C8orf34: variants seen among roughly 807,000 people sequenced by gnomAD.
The protein encoded by C8orf34 is chromosome 8 open reading frame 34, also known as uncharacterized protein C8orf34.
A neutral mutation model predicts 68.3 loss-of-function variants in C8orf34; 65 were observed. The ratio of observed to expected loss-of-function variants is 0.95; its 90% CI spans 0.78 to 1.17. The LOEUF is 1.17. C8orf34 is among the 50% of genes most tolerant of loss of function. C8orf34 has a pLI of 0.00. For synonymous variants in C8orf34, 244 were observed against 241.2 expected (o/e 1.01, Z -0.11); for missense variants, 664 against 655.4 (o/e 1.01, Z -0.14).
intron 1 of C8orf34, among the ~76,000 whole-genome samples, chr8:68,344,277 C>T (rs1263966727): frequency 6.6e-6 from 1 of 151,920 alleles, no homozygotes; most frequent in East Asian, 1.9e-4. Context: ...GGTGAATTTC[C>T]AGAGAAATAT....
intron 11 of C8orf34, among the ~76,000 whole-genome samples, chr8:68,785,116 A>G (rs1010543319): frequency 4.6e-5 from 7 of 152,052 alleles, no homozygotes; most frequent in African/African-American, 1.7e-4. Context: ...AGGCTGAGGC[A>G]GGAGGATCAC....
intron 1 of C8orf34, among the ~76,000 whole-genome samples, chr8:68,368,064 A>T (rs1221184387): frequency 6.6e-6 from 1 of 152,064 alleles, no homozygotes; most frequent in African/African-American, 2.4e-5. Flanking sequence ...ATTTTAAAGT[A>T]TTTAAAAGTG....
At chr8:68,778,234 T>C (rs1823576897) in intron 11 of C8orf34, among the ~76,000 whole-genome samples, 1 of 152,194 alleles carries the variant, frequency 6.6e-6, no homozygotes, top group African/African-American at 2.4e-5. Flanking sequence ...TTTTCTTTTT[T>C]CTTCATGTTA....
intron 10 of C8orf34, among the ~76,000 whole-genome samples, chr8:68,770,402 A>G (rs1398737478): frequency 6.6e-6 from 1 of 152,264 alleles, no homozygotes; most frequent in Non-Finnish European, 1.5e-5. Flanking sequence ...AACAAATATT[A>G]GGGAACATAC....
intron 10 of C8orf34, among the ~76,000 whole-genome samples, chr8:68,771,287 C>A (rs1444681294): frequency 1.3e-5 from 2 of 152,060 alleles, no homozygotes; most frequent in Non-Finnish European, 2.9e-5. Flanking sequence ...GTAGTTGCTG[C>A]CTATAGAGGT....
At chr8:68,446,552 T>C in intron 3 of C8orf34, 92 bp downstream of exon 3, 1 of 1,338,952 alleles carries the variant, frequency 7.5e-7, no homozygotes, top group South Asian at 1.4e-5. Context: ...AGCCCAACTT[T>C]TCATCTGATA....
chr8:68,440,547 G>A (rs745412677), intron 2 of C8orf34, among the ~76,000 whole-genome samples: 8 of 152,228 alleles, frequency 5.3e-5, no homozygotes, highest in South Asian at 4.2e-4. Flanking sequence ...AGTTATTTGC[G>A]TCATATAGGA....
intron 1 of C8orf34, among the ~76,000 whole-genome samples, chr8:68,395,241 T>C (rs1307566283): frequency 7.4e-5 from 11 of 147,742 alleles, no homozygotes; most frequent in Admixed American, 2.0e-4. Flanking sequence ...AGAACAAGGG[T>C]TTTTTTTTTC....
rs530991269 is a variant in C8orf34, at chr8:68,530,632, C to G, written c.939-2351C>G. On this transcript the variant is annotated intron_variant, in intron 6 of 13. Coordinates refer to ENST00000518698, the MANE Select transcript of C8orf34 (RefSeq NM_052958.4). ...AATGCAATGATGCAGAGGACAGATGCCATGGCAAGAGACTGAAGCTAAATA... is the reference window on the plus strand; with the variant it reads ...AATGCAATGATGCAGAGGACAGATGGCATGGCAAGAGACTGAAGCTAAATA... The G allele has an allele frequency of 1.1e-5, 14 of 1,225,436 alleles. No individual in the cohort carries two copies. In the East Asian group the frequency reaches 8.2e-4, roughly 72 times the overall value. The allele number at this position is 1,225,436 out of a possible 1,614,324, so 75.9% of individuals were successfully genotyped here.
At position 68,544,800 on chromosome 8, in the gene C8orf34, GAA is replaced by G. The variant is rs1020367135; in HGVS notation, c.1105+11658_1105+11659del. On this transcript the variant is annotated intron_variant, in intron 7 of 13. Coordinates refer to ENST00000518698, the MANE Select transcript of C8orf34 (RefSeq NM_052958.4). ...GATTGATAGCTTATCAAATAATTCGGAAAAAAAATCAGCAAATTTGAAGATAC... is the reference window on the plus strand; with the variant it reads ...GATTGATAGCTTATCAAATAATTCGGAAAAAATCAGCAAATTTGAAGATAC... 2.6e-5 allele frequency among the ~76,000 whole-genome samples: 4 copies of G among 151,032 alleles called. No individual in the cohort carries two copies. In the East Asian group the frequency reaches 7.7e-4, roughly 29 times the overall value.
chr8:68,392,814 T>G (rs1517125), intron 1 of C8orf34, among the ~76,000 whole-genome samples: 5,112 of 152,224 alleles, frequency 0.034, 111 homozygotes, highest in South Asian at 0.051. Context: ...TTATTATGAT[T>G]TTGAAAAGTG....
intron 1 of C8orf34, among the ~76,000 whole-genome samples, chr8:68,428,667 T>G (rs1164668734): frequency 6.6e-6 from 1 of 151,890 alleles, no homozygotes; most frequent in African/African-American, 2.4e-5. Flanking sequence ...AGAAACAAGA[T>G]TAGGATGAAT....
chr8:68,725,821 G>T (rs1206867205), intron 10 of C8orf34, among the ~76,000 whole-genome samples: 1 of 152,142 alleles, frequency 6.6e-6, no homozygotes, highest in Non-Finnish European at 1.5e-5. Flanking sequence ...TTGTATTTAG[G>T]CACTGAGTCA....
chr8:68,747,621 A>T (rs1379688954), intron 10 of C8orf34, among the ~76,000 whole-genome samples: 1 of 152,026 alleles, frequency 6.6e-6, no homozygotes, highest in Non-Finnish European at 1.5e-5. Flanking sequence ...ATTATGAGGG[A>T]ACTCCCATTC....
At chr8:68,805,747 A>G (rs1255757479) in intron 12 of C8orf34, among the ~76,000 whole-genome samples, 1 of 152,168 alleles carries the variant, frequency 6.6e-6, no homozygotes, top group Non-Finnish European at 1.5e-5. Context: ...CAAAAACAAC[A>G]TGTAGTTAGG....
chr8:68,772,821 TCTG>T (rs1823390042), intron 10 of C8orf34, among the ~76,000 whole-genome samples: 1 of 145,450 alleles, frequency 6.9e-6, no homozygotes, highest in African/African-American at 2.7e-5. Flanking sequence ...TTTCTTTCTG[TCTG>T]TCTTTCTTTT....
At chr8:68,769,283 GA>G (rs567023926) in intron 10 of C8orf34, among the ~76,000 whole-genome samples, 156 of 151,808 alleles carry the variant, frequency 1.0e-3, no homozygotes, top group African/African-American at 3.7e-3. Flanking sequence ...TTTTTCTAAA[GA>G]AAAATCTCTT....
At chr8:68,710,477 T>C (rs1017754207) in intron 9 of C8orf34, among the ~76,000 whole-genome samples, 1 of 152,114 alleles carries the variant, frequency 6.6e-6, no homozygotes, top group African/African-American at 2.4e-5. Context: ...ATGGGCTGCC[T>C]TGGAGCTGGG....
At chr8:68,600,077 T>A (rs990282459) in intron 7 of C8orf34, among the ~76,000 whole-genome samples, 2 of 152,114 alleles carry the variant, frequency 1.3e-5, no homozygotes, top group African/African-American at 2.4e-5. Flanking sequence ...TACCAAATTA[T>A]GACAAGTATG....
Sources: allele counts gnomAD v4.1 joint callset (sites outside exome capture counted in the v4.1 genomes callset), GRCh38; gene constraint gnomAD v4.1.1; transcripts MANE v1.5; gene names NCBI Gene and HGNC (gene_info 2026-07-23, HGNC 2026-07-21).